Variants in AGBL4 observed in about 807,000 individuals in gnomAD.
AGBL4 encodes AGBL carboxypeptidase 4, also known as cytosolic carboxypeptidase 6.
Under a neutral mutation model 66.4 loss-of-function variants are expected in AGBL4, and 58 were observed. That is an observed-to-expected ratio of 0.87 (90% CI 0.71 to 1.09). The LOEUF is 1.09. Ranked by LOEUF, AGBL4 falls within the 50% of genes least tolerant of loss-of-function variation. The probability of loss-of-function intolerance (pLI) is 0.00; values close to 1 mark genes in which losing one functional copy is unlikely to be tolerated. For synonymous variants in AGBL4, 234 were observed against 222.9 expected, an observed-to-expected ratio of 1.05 and a Z score of -0.44; for missense variants, 579 against 631.0, an observed-to-expected ratio of 0.92 and a Z score of 0.88.
At chr1:49,151,065 G>A (rs1557682147) in intron 4 of AGBL4, among the ~76,000 whole-genome samples, 1 of 151,974 alleles carries the variant, frequency 6.6e-6, no homozygotes, top group East Asian at 1.9e-4. Flanking sequence ...TCAGGAGATC[G>A]AGACCATCCT....
chr1:49,179,011 A>G (rs1001273654), intron 4 of AGBL4, among the ~76,000 whole-genome samples: 3 of 152,104 alleles, frequency 2.0e-5, no homozygotes, highest in Non-Finnish European at 4.4e-5. Context: ...ATCCATAAAG[A>G]CTATCCAGTC....
At chr1:49,095,294 A>G (rs904630103) in intron 4 of AGBL4, among the ~76,000 whole-genome samples, 6 of 152,222 alleles carry the variant, frequency 3.9e-5, no homozygotes, top group Non-Finnish European at 7.3e-5. Flanking sequence ...CATCCCCATC[A>G]AGCTACCAAT....
chr1:49,601,262 A>G (rs1644952965), intron 3 of AGBL4, among the ~76,000 whole-genome samples: 1 of 151,994 alleles, frequency 6.6e-6, no homozygotes. Context: ...ATTCAGGAAC[A>G]CCAATCAAAT....
At chr1:49,950,173 T>TACATATGTATATAC (rs1252736002) in intron 1 of AGBL4, among the ~76,000 whole-genome samples, 1 of 146,206 alleles carries the variant, frequency 6.8e-6, no homozygotes, top group African/African-American at 2.5e-5. Context: ...CATATATATA[T>TACATATGTATATAC]ACATATGTAT....
chr1:49,583,686 C>T (rs1339242212), intron 3 of AGBL4, among the ~76,000 whole-genome samples: 1 of 152,068 alleles, frequency 6.6e-6, no homozygotes, highest in Non-Finnish European at 1.5e-5. Flanking sequence ...AAAACAGCGA[C>T]ACATTTGGTG....
chr1:48,971,239 AT>A (rs1018328972), intron 5 of AGBL4, among the ~76,000 whole-genome samples: 1 of 152,162 alleles, frequency 6.6e-6, no homozygotes, highest in Non-Finnish European at 1.5e-5. Flanking sequence ...CAGCGGCAGC[AT>A]TAGATTCTCA....
chr1:49,040,886 T>TA (rs762974838), intron 5 of AGBL4, among the ~76,000 whole-genome samples: 7 of 152,078 alleles, frequency 4.6e-5, no homozygotes, highest in Non-Finnish European at 8.8e-5. Flanking sequence ...CTAAAAATCA[T>TA]AAAATTATCC....
intron 6 of AGBL4, among the ~76,000 whole-genome samples, chr1:48,737,441 C>A (rs535018141): frequency 6.6e-6 from 1 of 152,184 alleles, no homozygotes; most frequent in East Asian, 1.9e-4. Flanking sequence ...AGAGCAGCTG[C>A]CCTGCCAATT....
chr1:48,828,713 A>G (rs1646484867), intron 6 of AGBL4, among the ~76,000 whole-genome samples: 1 of 152,204 alleles, frequency 6.6e-6, no homozygotes, highest in Non-Finnish European at 1.5e-5. Context: ...GTTAAGGATA[A>G]TTCTAGGCTG....
At chr1:49,834,815 T>A (rs149955676) in intron 2 of AGBL4, among the ~76,000 whole-genome samples, 5 of 152,324 alleles carry the variant, frequency 3.3e-5, no homozygotes, top group Non-Finnish European at 2.9e-5. Context: ...ATTTCTGCCT[T>A]AATTTCATTA....
intron 4 of AGBL4, among the ~76,000 whole-genome samples, chr1:49,133,029 C>T (rs367900249): frequency 6.6e-6 from 1 of 152,140 alleles, no homozygotes; most frequent in Non-Finnish European, 1.5e-5. Context: ...GAAAATGTGG[C>T]ACATATACAC....
intron 2 of AGBL4, among the ~76,000 whole-genome samples, chr1:49,832,236 A>C (rs1645709011): frequency 6.7e-6 from 1 of 149,936 alleles, no homozygotes. Flanking sequence ...TATGAGTGAG[A>C]ATATGTGGTG....
chr1:49,533,162 A>G (rs1227705296), intron 3 of AGBL4, among the ~76,000 whole-genome samples: 2 of 151,926 alleles, frequency 1.3e-5, no homozygotes, highest in African/African-American at 4.8e-5. Flanking sequence ...TCTCTTCACA[A>G]CCACACCCAC....
intron 2 of AGBL4, chr1:49,842,411 T>C (rs1395217490): frequency 2.6e-6 from 2 of 760,866 alleles, no homozygotes; most frequent in Admixed American, 7.0e-5. Flanking sequence ...CCTTCAGGGC[T>C]GAGAGAAGCC....
intron 5 of AGBL4, among the ~76,000 whole-genome samples, chr1:49,031,268 T>G (rs560106654): frequency 1.3e-3 from 198 of 152,014 alleles, no homozygotes; most frequent in Non-Finnish European, 2.1e-3. Context: ...TTGTATTTTT[T>G]GTAGAGATGG....
intron 3 of AGBL4, chr1:49,267,992 T>C (rs1643962880): frequency 6.6e-6 from 1 of 152,118 alleles, no homozygotes; most frequent in South Asian, 2.1e-4. Context: ...AAGATGAGAT[T>C]TGAGTGGGGA....
chr1:48,643,819 T>A (rs966016747), intron 8 of AGBL4, among the ~76,000 whole-genome samples: 1 of 152,152 alleles, frequency 6.6e-6, no homozygotes, highest in Non-Finnish European at 1.5e-5. Flanking sequence ...CTAGCATGTG[T>A]TTTTGGGATC....
At chr1:48,735,971 C>T (rs1648977883) in intron 6 of AGBL4, among the ~76,000 whole-genome samples, 2 of 152,196 alleles carry the variant, frequency 1.3e-5, no homozygotes, top group African/African-American at 4.8e-5. Flanking sequence ...ATCCTCCCCT[C>T]CTGAGAACTC....
chr1:49,824,055 A>G (rs1054647758), intron 2 of AGBL4, among the ~76,000 whole-genome samples: 2 of 152,008 alleles, frequency 1.3e-5, no homozygotes, highest in Non-Finnish European at 2.9e-5. Context: ...TACTAAAAAC[A>G]AAAATTAGCC....
Sources: gnomAD v4.1 joint callset for allele counts (sites outside exome capture counted in the v4.1 genomes callset) on GRCh38, gnomAD v4.1.1 for gene constraint, MANE v1.5 for transcripts, NCBI Gene and HGNC (gene_info 2026-07-23, HGNC 2026-07-21) for gene names.